The following PRORP variants were observed in gnomAD, a reference collection of about 807,000 sequenced individuals.
PRORP encodes protein only RNase P catalytic subunit.
Under a neutral mutation model 59.4 loss-of-function variants are expected in PRORP, and 51 were observed. The ratio of observed to expected loss-of-function variants is 0.86; its 90% CI spans 0.69 to 1.08. PRORP has a LOEUF of 1.08. PRORP is among the 50% of genes least tolerant of loss of function. The probability of loss-of-function intolerance (pLI) is 0.00; values close to 1 mark genes in which losing one functional copy is unlikely to be tolerated. For missense variants in PRORP, 646 were observed against 690.3 expected (o/e 0.94, Z 0.72); for synonymous variants, 231 against 245.6 (o/e 0.94, Z 0.55).
chr14:35,268,762 AT>A lies in PRORP; in HGVS notation c.1425-1634del, dbSNP rs59133631. ...AGGCACCCGCCACCATGCCCAACTAATTTTTGTATTTTTAGTGGAGATGGGG... is the reference window on the plus strand; with the variant it reads ...AGGCACCCGCCACCATGCCCAACTAATTTTGTATTTTTAGTGGAGATGGGG... On this transcript the variant is annotated intron_variant, in intron 6 of 7. Transcript: ENST00000534898. Among the ~76,000 whole-genome samples the A allele has an allele frequency of 8.9e-4, 136 of 152,142 alleles. 1 individual carries two copies. Among genetic ancestry groups the A allele is most frequent in the African/African-American group, 3.2e-3 (133 of 41,510 alleles).
chr14:35,254,681 C>G (rs537214166), intron 5 of PRORP, among the ~76,000 whole-genome samples: 2 of 152,136 alleles, frequency 1.3e-5, no homozygotes, highest in Admixed American at 6.6e-5. Flanking sequence ...CATGAGCCAC[C>G]GCGCCCAGCC....
chr14:35,194,115 G>A (rs1436684942), intron 5 of PRORP, among the ~76,000 whole-genome samples: 1 of 152,168 alleles, frequency 6.6e-6, no homozygotes, highest in Non-Finnish European at 1.5e-5. Flanking sequence ...GAGAGAGACT[G>A]CTGTCCAGGT....
intron 5 of PRORP, among the ~76,000 whole-genome samples, chr14:35,256,824 A>G (rs2050773400): frequency 6.6e-6 from 1 of 151,294 alleles, no homozygotes; most frequent in Non-Finnish European, 1.5e-5. Flanking sequence ...TCATTATGCT[A>G]TTCTGCCTGC....
chr14:35,175,205 A>G (rs113407981), intron 4 of PRORP, among the ~76,000 whole-genome samples: 3 of 152,040 alleles, frequency 2.0e-5, no homozygotes, highest in South Asian at 2.1e-4. Flanking sequence ...ATAAACATAC[A>G]TGTGCATGTG....
At chr14:35,186,234 TG>T (rs1419521951) in intron 5 of PRORP, among the ~76,000 whole-genome samples, 1 of 151,284 alleles carries the variant, frequency 6.6e-6, no homozygotes, top group Non-Finnish European at 1.5e-5. Context: ...TTGCCTGCTG[TG>T]GCCTCCCAAA....
Position 35,274,182 on chromosome 14 carries a change from C to G in PRORP, c.*616C>G, listed in dbSNP as rs537762235. The G allele has an allele frequency of 2.6e-5, 4 of 152,276 alleles. No individual in the cohort carries two copies. Among genetic ancestry groups the G allele is most frequent in the African/African-American group, 9.6e-5 (4 of 41,556 alleles). 9.4% of individuals were successfully genotyped at this position (152,276 alleles called of 1,614,324 possible). On this transcript the variant is annotated 3_prime_UTR_variant, in exon 8 of 8. Coordinates refer to ENST00000534898, the MANE Select transcript of PRORP (RefSeq NM_014672.4). ...TTTGGAAATAGAGTCTCAACTTACT[C>G]TGTCGCCAGGGCTGGAGTGCAGTGA... is the stretch of plus-strand genomic sequence containing the variant.
rs567805839 is a variant in PRORP at position 35,263,978 on chromosome 14, T to G, written c.1276-2749T>G. Among the ~76,000 whole-genome samples, 532 of 152,074 alleles carry G rather than the reference T, an allele frequency of 3.5e-3. 4 individuals are homozygous for G. The highest frequency in any genetic ancestry group is 0.012 in the African/African-American group (517 of 41,482). On this transcript the variant is annotated intron_variant, in intron 5 of 7. Transcript: ENST00000534898. ...TTTTTTTTTAGAGATGGTGTCTCAC[T>G]CTGTTGCCCAGGATTGCAGTGGTAC...
At chr14:35,217,632 A>G (rs901944089) in intron 5 of PRORP, among the ~76,000 whole-genome samples, 1 of 151,560 alleles carries the variant, frequency 6.6e-6, no homozygotes, top group African/African-American at 2.4e-5. Context: ...TGTACTTGGT[A>G]TGAGTCCAAC....
chr14:35,203,127 AC>A (rs1410338139), intron 5 of PRORP, among the ~76,000 whole-genome samples: 1 of 152,196 alleles, frequency 6.6e-6, no homozygotes, highest in Non-Finnish European at 1.5e-5. Flanking sequence ...AAAAGAACTT[AC>A]CCTTTCTGTG....
At chr14:35,200,927 C>T (rs2049132646) in intron 5 of PRORP, among the ~76,000 whole-genome samples, 1 of 152,098 alleles carries the variant, frequency 6.6e-6, no homozygotes, top group African/African-American at 2.4e-5. Flanking sequence ...TCCAGGATAC[C>T]ATATTACATT....
At position 35,152,453 on chromosome 14, in the gene PRORP, C is replaced by A. The variant is rs375342635; in HGVS notation, c.1167+24842C>A. 1.4e-4 allele frequency among the ~76,000 whole-genome samples: 21 copies of A among 152,360 alleles called. No individual in the cohort carries two copies. The East Asian group carries it at 2.9e-3, about 21-fold the overall frequency. Reference sequence around the variant, plus strand: ...TCTCAATGAGCTGTTGGGTACACCTCCCAGACGGGATGGTGGCCGGGCAGA... The same window carrying A: ...TCTCAATGAGCTGTTGGGTACACCTACCAGACGGGATGGTGGCCGGGCAGA... On this transcript the variant is annotated intron_variant, in intron 4 of 7. Coordinates refer to ENST00000534898, the MANE Select transcript of PRORP (RefSeq NM_014672.4).
At chr14:35,228,331 G>A (rs995541497) in intron 5 of PRORP, among the ~76,000 whole-genome samples, 1 of 152,076 alleles carries the variant, frequency 6.6e-6, no homozygotes, top group Non-Finnish European at 1.5e-5. Flanking sequence ...AGATTCTGGG[G>A]CTACATGTAC....
intron 4 of PRORP, among the ~76,000 whole-genome samples, chr14:35,168,202 A>G (rs533631290): frequency 2.6e-4 from 40 of 152,320 alleles, no homozygotes; most frequent in African/African-American, 9.6e-4. Flanking sequence ...TTATTTTCCA[A>G]AGTGGTTGTA....
chr14:35,216,170 GGA>G (rs369280059), intron 5 of PRORP, among the ~76,000 whole-genome samples: 2 of 84,118 alleles, frequency 2.4e-5, no homozygotes, highest in African/African-American at 3.7e-5. Context: ...AGAGAGAGAA[GGA>G]GAGAGAGAGA....
upstream of PRORP, chr14:35,122,280 C>T (rs2046935321): frequency 2.9e-6 from 1 of 343,180 alleles, no homozygotes; most frequent in Non-Finnish European, 5.6e-6. Context: ...GTGCCTTTGG[C>T]GCGTGCGCAC....
intron 4 of PRORP, among the ~76,000 whole-genome samples, chr14:35,131,659 G>A (rs1478208008): frequency 1.3e-5 from 2 of 151,394 alleles, no homozygotes; most frequent in Non-Finnish European, 2.9e-5. Context: ...CTTCCGAGTA[G>A]CTGGGATTAC....
At chr14:35,180,268 T>A (rs1242873769) in intron 4 of PRORP, among the ~76,000 whole-genome samples, 1 of 152,182 alleles carries the variant, frequency 6.6e-6, no homozygotes, top group African/African-American at 2.4e-5. Flanking sequence ...AAATCACCCA[T>A]CTTCCGCATC....
intron 4 of PRORP, among the ~76,000 whole-genome samples, chr14:35,178,167 G>A (rs1279961006): frequency 1.3e-5 from 2 of 152,116 alleles, no homozygotes; most frequent in Admixed American, 6.5e-5. Context: ...TTCCAACTAT[G>A]TGGTCAATTT....
intron 5 of PRORP, among the ~76,000 whole-genome samples, chr14:35,237,672 T>C (rs1345319346): frequency 6.6e-6 from 1 of 152,214 alleles, no homozygotes; most frequent in African/African-American, 2.4e-5. Flanking sequence ...TTCTATTTTT[T>C]ATTTGAGACA....
Sources: allele counts gnomAD v4.1 joint callset (sites outside exome capture counted in the v4.1 genomes callset), GRCh38; gene constraint gnomAD v4.1.1; transcripts MANE v1.5; gene names NCBI Gene and HGNC (gene_info 2026-07-23, HGNC 2026-07-21).